The following EXOC6B variants were observed in gnomAD, a reference collection of about 807,000 sequenced individuals.
The protein encoded by EXOC6B is SEC15 homolog B.
A neutral mutation model predicts 113.5 loss-of-function variants in EXOC6B; 54 were observed. That is an observed-to-expected ratio of 0.48 (90% CI 0.38 to 0.60). EXOC6B has a LOEUF of 0.60. Ranked by LOEUF, EXOC6B falls within the 20% of genes least tolerant of loss-of-function variation. The pLI is 0.00. For missense variants in EXOC6B, 797 were observed against 977.5 expected (o/e 0.82, Z 2.46); for synonymous variants, 357 against 339.0 (o/e 1.05, Z -0.58).
At chr2:72,423,229 C>G (rs769036203) in intron 18 of EXOC6B, among the ~76,000 whole-genome samples, 1 of 151,612 alleles carries the variant, frequency 6.6e-6, no homozygotes. Flanking sequence ...CCTGAGCCAG[C>G]GAGACCACGA....
chr2:72,371,292 T>C (rs945325127), intron 19 of EXOC6B, among the ~76,000 whole-genome samples: 1 of 152,128 alleles, frequency 6.6e-6, no homozygotes, highest in African/African-American at 2.4e-5. Context: ...CTAATCCTAC[T>C]CAAACTGTTC....
intron 11 of EXOC6B, among the ~76,000 whole-genome samples, 180 bp downstream of exon 11, chr2:72,512,952 G>A (rs910664449): frequency 3.3e-5 from 5 of 152,176 alleles, no homozygotes; most frequent in Admixed American, 3.3e-4. Flanking sequence ...TTCTATAAAA[G>A]TGAGCTCAGT....
chr2:72,476,592 T>C (rs1009845782), intron 17 of EXOC6B, among the ~76,000 whole-genome samples: 1 of 152,178 alleles, frequency 6.6e-6, no homozygotes, highest in Non-Finnish European at 1.5e-5. Context: ...TTGTGATTGA[T>C]GTTGTTATTT....
chr2:72,440,130 G>T (rs1188868243), intron 18 of EXOC6B, among the ~76,000 whole-genome samples: 4 of 152,172 alleles, frequency 2.6e-5, no homozygotes, highest in Non-Finnish European at 5.9e-5. Flanking sequence ...ACACTGTTGG[G>T]AGGTCTCACC....
intron 1 of EXOC6B, among the ~76,000 whole-genome samples, chr2:72,745,675 A>G (rs753941248): frequency 7.2e-5 from 11 of 152,158 alleles, no homozygotes; most frequent in Non-Finnish European, 1.5e-4. Context: ...AAAAACCACA[A>G]ATTTAAAGAT....
chr2:72,343,512 T>C (rs1689154122), intron 19 of EXOC6B, among the ~76,000 whole-genome samples: 1 of 152,208 alleles, frequency 6.6e-6, no homozygotes, highest in Non-Finnish European at 1.5e-5. Flanking sequence ...TTGATTGAAA[T>C]CTTCATTTGT....
intron 8 of EXOC6B, among the ~76,000 whole-genome samples, chr2:72,542,043 A>ACT: frequency 6.6e-6 from 1 of 152,292 alleles, no homozygotes; most frequent in East Asian, 1.9e-4. Flanking sequence ...GAAATCTCTA[A>ACT]CCTTAGTTAT....
chr2:72,275,856 AT>A (rs78602894), intron 20 of EXOC6B, among the ~76,000 whole-genome samples: 2 of 152,028 alleles, frequency 1.3e-5, no homozygotes, highest in Admixed American at 6.6e-5. Context: ...TACCTGCTTA[AT>A]TTTTTTTGGG....
chr2:72,671,777 AAGAAAGAAAG>A (rs1430609182), intron 6 of EXOC6B, among the ~76,000 whole-genome samples: 10 of 118,008 alleles, frequency 8.5e-5, no homozygotes, highest in African/African-American at 4.0e-4. Context: ...GAAAGAAAGA[AAGAAAGAAAG>A]AAAGAAAGAA....
chr2:72,762,666 AG>A (rs1682813481), intron 1 of EXOC6B, among the ~76,000 whole-genome samples: 1 of 152,132 alleles, frequency 6.6e-6, no homozygotes, highest in African/African-American at 2.4e-5. Context: ...TAAGTTCCTC[AG>A]GCAAAAATAA....
chr2:72,622,202 A>G (rs1370078332), intron 6 of EXOC6B, among the ~76,000 whole-genome samples: 2 of 151,322 alleles, frequency 1.3e-5, no homozygotes, highest in African/African-American at 4.8e-5. Flanking sequence ...TATATCTTAT[A>G]AATAACATTT....
chr2:72,669,681 C>A (rs1019074761), intron 6 of EXOC6B, among the ~76,000 whole-genome samples: 3 of 152,194 alleles, frequency 2.0e-5, no homozygotes, highest in Non-Finnish European at 2.9e-5. Flanking sequence ...GATCTCTATA[C>A]AGTCTGTGTG....
intron 18 of EXOC6B, among the ~76,000 whole-genome samples, chr2:72,441,593 A>G (rs1443671544): frequency 2.0e-5 from 3 of 152,200 alleles, no homozygotes; most frequent in African/African-American, 7.2e-5. Context: ...ACAAATAACC[A>G]TCAGAGAATA....
At chr2:72,755,234 G>C (rs375684716) in intron 1 of EXOC6B, among the ~76,000 whole-genome samples, 1 of 152,074 alleles carries the variant, frequency 6.6e-6, no homozygotes, top group Non-Finnish European at 1.5e-5. Context: ...TAGGATAATG[G>C]GCCTAGAAAT....
chr2:72,480,568 G>C, intron 17 of EXOC6B, 48 bp downstream of exon 17: 1 of 1,512,134 alleles, frequency 6.6e-7, no homozygotes, highest in Non-Finnish European at 8.9e-7. Context: ...GAACGTCCCA[G>C]ACTGTGTACA....
At chr2:72,425,739 T>G (rs1695165709) in intron 18 of EXOC6B, among the ~76,000 whole-genome samples, 1 of 152,232 alleles carries the variant, frequency 6.6e-6, no homozygotes, top group Non-Finnish European at 1.5e-5. Context: ...GATGGTAATT[T>G]TGCCATTTAT....
chr2:72,750,999 C>T (rs927667152), intron 1 of EXOC6B, among the ~76,000 whole-genome samples: 21 of 151,368 alleles, frequency 1.4e-4, no homozygotes, highest in Admixed American at 1.4e-3. Context: ...AATATGTATA[C>T]ATTAAAAATA....
intron 6 of EXOC6B, among the ~76,000 whole-genome samples, chr2:72,647,242 G>A (rs535016558): frequency 6.6e-6 from 1 of 152,162 alleles, no homozygotes; most frequent in East Asian, 1.9e-4. Context: ...ACCTCTTCAA[G>A]GAGAACTACA....
At chr2:72,327,904 G>A (rs1688217369) in intron 20 of EXOC6B, among the ~76,000 whole-genome samples, 1 of 152,146 alleles carries the variant, frequency 6.6e-6, no homozygotes, top group South Asian at 2.1e-4. Context: ...GAAGGAGATA[G>A]ATCTTTTTTG....
Sources: allele counts gnomAD v4.1 joint callset (sites outside exome capture counted in the v4.1 genomes callset), GRCh38; gene constraint gnomAD v4.1.1; transcripts MANE v1.5; gene names NCBI Gene and HGNC (gene_info 2026-07-23, HGNC 2026-07-21).